The following PDE5A variants were observed in gnomAD, a reference collection of about 807,000 sequenced individuals.
PDE5A encodes the protein phosphodiesterase 5A.
In PDE5A, 67 loss-of-function variants were observed where a neutral mutation model predicts 110.2. That is an observed-to-expected ratio of 0.61 (90% CI 0.50 to 0.75). PDE5A has a LOEUF of 0.75. PDE5A is among the 30% of genes least tolerant of loss of function. The pLI is 0.00. For synonymous variants in PDE5A, 328 were observed against 351.2 expected (o/e 0.93, Z 0.74); for missense variants, 862 against 1,045.1 (o/e 0.82, Z 2.42).
chr4:119,503,229 G>A (rs772212060), intron 18 of PDE5A, among the ~76,000 whole-genome samples: 36 of 152,234 alleles, frequency 2.4e-4, no homozygotes, highest in Middle Eastern at 3.4e-3. Flanking sequence ...CCAACAGCAG[G>A]CTGTCAACAA....
chr4:119,584,118 G>T lies in PDE5A; in HGVS notation c.831+12405C>A, dbSNP rs188578707. 2.0e-5 allele frequency among the ~76,000 whole-genome samples: 3 copies of T among 152,290 alleles called. No individual in the cohort carries two copies. In the East Asian group the frequency reaches 5.8e-4, roughly 29 times the overall value. On this transcript the variant is annotated intron_variant, in intron 3 of 20. Transcript: ENST00000354960. ...CCCAAGAAGTAAAAGGGTAACCAGA[G>T]TATATGGACTCAGATGCTGGAGCAG...
chr4:119,575,289 C>G (rs4596225), intron 3 of PDE5A, among the ~76,000 whole-genome samples: 40,003 of 152,098 alleles, frequency 0.26, 5,393 homozygotes, highest in East Asian at 0.38. Context: ...AGAACTTCCC[C>G]AATCTAGCAA....
intron 3 of PDE5A, among the ~76,000 whole-genome samples, chr4:119,578,817 C>T (rs1728480666): frequency 6.6e-6 from 1 of 152,086 alleles, no homozygotes; most frequent in African/African-American, 2.4e-5. Flanking sequence ...GCAATGACAA[C>T]AAAAGCCAAA....
At chr4:119,611,440 A>C (rs1729738860) in intron 1 of PDE5A, among the ~76,000 whole-genome samples, 1 of 151,930 alleles carries the variant, frequency 6.6e-6, no homozygotes, top group African/African-American at 2.4e-5. Context: ...TGAATATCTA[A>C]ATGCTGGTGT....
chr4:119,594,139 T>A (rs74994681), intron 3 of PDE5A, among the ~76,000 whole-genome samples: 3,196 of 152,166 alleles, frequency 0.021, 49 homozygotes, highest in Middle Eastern at 0.041. Flanking sequence ...TGTGTTTTTT[T>A]AATTTTTTAT....
chr4:119,511,894 C>T (rs1725756669), intron 14 of PDE5A, among the ~76,000 whole-genome samples: 1 of 152,094 alleles, frequency 6.6e-6, no homozygotes, highest in Non-Finnish European at 1.5e-5. Flanking sequence ...AAGCACAATC[C>T]TCCACCTCAT....
chr4:119,542,574 C>T lies in PDE5A; in HGVS notation c.1457G>A (p.Arg486Gln), dbSNP rs773825482. The stretch of plus-strand genomic sequence containing the variant: ...AGCTTCCAGAAACTGTTCGTCATTT[C>T]GGTTGAAAGGCTTAACCTTGCCAGT... ...ENTGKVKPFN[R>Q]NDEQFLEAFV... is the part of the protein sequence containing the mutation. Residue 486 changes from arginine (R) to glutamine (Q), a missense_variant, in exon 10 of 21, where the codon CGA (arginine) becomes CAA (glutamine). Arg to Gln is a conservative substitution (Grantham distance 43). Coordinates refer to ENST00000354960, the MANE Select transcript of PDE5A (RefSeq NM_001083.4). 23 of 1,613,850 alleles carry T rather than the reference C, an allele frequency of 1.4e-5. 1 individual carries two copies. The African/African-American group carries it at 1.5e-4, about 10-fold the overall frequency.
chr4:119,587,661 G>T (rs1338059599), intron 3 of PDE5A, among the ~76,000 whole-genome samples: 1 of 152,190 alleles, frequency 6.6e-6, no homozygotes, highest in Non-Finnish European at 1.5e-5. Context: ...TGGGATTACA[G>T]GTGTGAGCCA....
chr4:119,588,885 C>A (rs1728866682), intron 3 of PDE5A, among the ~76,000 whole-genome samples: 1 of 152,046 alleles, frequency 6.6e-6, no homozygotes, highest in Admixed American at 6.5e-5. Flanking sequence ...TGAATTTATC[C>A]TAAATTCTTG....
At chr4:119,579,354 A>T (rs978216640) in intron 3 of PDE5A, among the ~76,000 whole-genome samples, 4 of 152,234 alleles carry the variant, frequency 2.6e-5, no homozygotes, top group African/African-American at 9.6e-5. Flanking sequence ...TACCCAAAGG[A>T]TTATAAATCA....
At chr4:119,514,983 T>C (rs536095139) in intron 14 of PDE5A, among the ~76,000 whole-genome samples, 2 of 152,292 alleles carry the variant, frequency 1.3e-5, no homozygotes, top group East Asian at 3.9e-4. Flanking sequence ...TGGCTCAAGT[T>C]GGCTCTTAAC....
intron 2 of PDE5A, among the ~76,000 whole-genome samples, chr4:119,601,512 T>C (rs975030523): frequency 2.0e-5 from 3 of 151,940 alleles, no homozygotes; most frequent in Non-Finnish European, 4.4e-5. Context: ...GAGTTGTATG[T>C]AACCTTTTTA....
intron 9 of PDE5A, chr4:119,548,242 G>A (rs1056234965): frequency 6.6e-6 from 1 of 151,586 alleles, no homozygotes; most frequent in Non-Finnish European, 1.5e-5. Context: ...TAGAGACGGG[G>A]TTTCACCGTG....
intron 3 of PDE5A, among the ~76,000 whole-genome samples, chr4:119,584,855 C>T (rs972612240): frequency 2.0e-5 from 3 of 152,072 alleles, no homozygotes; most frequent in East Asian, 1.9e-4. Context: ...AGGCAGAAAA[C>T]GATGGTGCAG....
At chr4:119,621,909 G>T (rs1158380744) in intron 1 of PDE5A, among the ~76,000 whole-genome samples, 1 of 152,132 alleles carries the variant, frequency 6.6e-6, no homozygotes, top group Admixed American at 6.5e-5. Context: ...GGTGGCTCAC[G>T]CCTGTAATCC....
At chr4:119,597,378 C>G (rs535421950) in intron 2 of PDE5A, among the ~76,000 whole-genome samples, 2 of 150,750 alleles carry the variant, frequency 1.3e-5, no homozygotes, top group African/African-American at 2.4e-5. Flanking sequence ...TGCGTTAAAT[C>G]AATGAAGGAA....
intron 3 of PDE5A, among the ~76,000 whole-genome samples, chr4:119,588,206 A>C (rs1578803282): frequency 1.5e-5 from 2 of 134,912 alleles, no homozygotes; most frequent in African/African-American, 2.8e-5. Flanking sequence ...AGTCTCACTC[A>C]CTCTGTCACC....
At chr4:119,585,266 ACT>A (rs1412583015) in intron 3 of PDE5A, among the ~76,000 whole-genome samples, 1 of 79,172 alleles carries the variant, frequency 1.3e-5, no homozygotes, top group African/African-American at 4.5e-5. Context: ...CAAGAGTGAA[ACT>A]CTGTCTCAAA....
In PDE5A at chr4:119,581,191, GA is replaced by G. The variant is rs151151713; in HGVS notation, c.832-14048del. Among the ~76,000 whole-genome samples, 466 of 148,846 alleles carry G rather than the reference GA, an allele frequency of 3.1e-3. 3 individuals are homozygous for G. The highest frequency in any genetic ancestry group is 5.5e-3 in the Non-Finnish European group (372 of 67,270). Reference sequence around the variant, plus strand: ...ATGGGCACCTACTACAAACATAAAAGAAGTAACACAGCAAAAATGGTAAAAA... The same window carrying G: ...ATGGGCACCTACTACAAACATAAAAGAGTAACACAGCAAAAATGGTAAAAA... On this transcript the variant is annotated intron_variant, in intron 3 of 20. Transcript: ENST00000354960.
Sources: gnomAD v4.1 joint callset for allele counts (sites outside exome capture counted in the v4.1 genomes callset) on GRCh38, gnomAD v4.1.1 for gene constraint, MANE v1.5 for transcripts, NCBI Gene and HGNC (gene_info 2026-07-23, HGNC 2026-07-21) for gene names.